Variants in USH2A observed in about 807,000 individuals in gnomAD.
USH2A encodes Usher syndrome 2A (autosomal recessive, mild).
A neutral mutation model predicts 538.9 loss-of-function variants in USH2A; 443 were observed. The observed-to-expected ratio is 0.82, with a 90% CI of 0.76 to 0.89. USH2A has a LOEUF of 0.89. Among genes scored for constraint, USH2A ranks in the 40% least tolerant of loss-of-function variants. The pLI is 0.00. For missense variants in USH2A, 6,633 were observed against 6,324.8 expected, an observed-to-expected ratio of 1.05 and a Z score of -1.65; for synonymous variants, 2,413 against 2,273.5, an observed-to-expected ratio of 1.06 and a Z score of -1.75.
intron 21 of USH2A, among the ~76,000 whole-genome samples, chr1:216,143,405 T>A (rs924351407): frequency 3.9e-5 from 6 of 152,132 alleles, no homozygotes; most frequent in Non-Finnish European, 8.8e-5. Context: ...AGGGCACCAT[T>A]TCATAACTAT....
chr1:216,061,647 C>A (rs1333857406), intron 30 of USH2A, among the ~76,000 whole-genome samples: 1 of 152,124 alleles, frequency 6.6e-6, no homozygotes, highest in South Asian at 2.1e-4. Flanking sequence ...GGCACACAGC[C>A]ATCAGTATAT....
intron 19 of USH2A, among the ~76,000 whole-genome samples, chr1:216,194,401 G>A (rs942016839): frequency 2.0e-5 from 3 of 152,112 alleles, no homozygotes; most frequent in African/African-American, 7.2e-5. Context: ...CATGGATCTT[G>A]CTGGTCGCCA....
chr1:216,222,289 G>A lies in USH2A; in HGVS notation c.2994-4739C>T, dbSNP rs143043078. On this transcript the variant is annotated intron_variant, in intron 14 of 71. Coordinates refer to ENST00000307340, the MANE Select transcript of USH2A (RefSeq NM_206933.4). ...TCTATTGTAACTCAACTCTGCTGCT[G>A]TAGCAGGAAAGCAACCACAGAAAAT... Among the ~76,000 whole-genome samples, 10 of 152,270 alleles carry A rather than the reference G, an allele frequency of 6.6e-5. No individual in the cohort carries two copies. In the East Asian group the frequency reaches 1.5e-3, roughly 24 times the overall value.
At chr1:215,656,981 G>T (rs748667478) in intron 64 of USH2A, among the ~76,000 whole-genome samples, 70 of 152,176 alleles carry the variant, frequency 4.6e-4, no homozygotes, top group African/African-American at 1.7e-3. Flanking sequence ...TTTCCTAGGG[G>T]CATGTAATGA....
intron 20 of USH2A, among the ~76,000 whole-genome samples, chr1:216,184,878 C>T (rs1186811035): frequency 6.6e-6 from 1 of 151,912 alleles, no homozygotes; most frequent in Non-Finnish European, 1.5e-5. Flanking sequence ...AAATTTAATG[C>T]ACACCAATTA....
Position 215,845,845 on chromosome 1 carries a change from G to A in USH2A, c.9034C>T (p.His3012Tyr). ...TCACCCCCATCGCAAGTGGTTGCAT[G>A]AAGTCCTGCACTGTTGATGCTGTGG... Reference protein sequence around the residue: ...GVHSINSAGLHATTCDGEPQG... With the variant: ...GVHSINSAGLYATTCDGEPQG... The change falls in exon 45 of 72, where the codon CAT becomes TAT. Residue 3012 changes from histidine (H) to tyrosine (Y), a missense_variant. Transcript: ENST00000307340. 1 of 1,613,808 alleles carries A rather than the reference G, an allele frequency of 6.2e-7. No homozygotes were observed. The highest frequency in any genetic ancestry group is 8.5e-7 in the Non-Finnish European group (1 of 1,179,860).
intron 9 of USH2A, among the ~76,000 whole-genome samples, chr1:216,298,284 T>C (rs767303261): frequency 1.3e-5 from 2 of 152,232 alleles, no homozygotes; most frequent in Non-Finnish European, 2.9e-5. Context: ...GTATATTGCC[T>C]ACATGAGTTA....
At chr1:216,312,640 C>G (rs1403341185) in intron 9 of USH2A, among the ~76,000 whole-genome samples, 1 of 148,532 alleles carries the variant, frequency 6.7e-6, no homozygotes, top group Non-Finnish European at 1.5e-5. Flanking sequence ...CTTTTTGCTT[C>G]TTTGTCAGAA....
intron 33 of USH2A, 126 bp downstream of exon 33, chr1:216,000,277 G>T: frequency 7.5e-7 from 1 of 1,329,058 alleles, no homozygotes; most frequent in Non-Finnish European, 1.1e-6. Context: ...CAGATCCACT[G>T]AACTAATCAC....
intron 44 of USH2A, among the ~76,000 whole-genome samples, chr1:215,857,044 A>G (rs903466070): frequency 6.6e-6 from 1 of 152,116 alleles, no homozygotes; most frequent in African/African-American, 2.4e-5. Context: ...AGAATGATAC[A>G]ATGGACTTTG....
Position 215,728,170 on chromosome 1 carries a change from T to C in USH2A, c.11926A>G (p.Thr3976Ala). The change falls in exon 61 of 72, where the codon ACG becomes GCG. Residue 3976 changes from threonine (T) to alanine (A), a missense_variant. Coordinates refer to ENST00000307340, the MANE Select transcript of USH2A (RefSeq NM_206933.4). ...TTCAACAGAACTGAATGAGCACTCG[T>C]GGCTTGAGCCCAAGGAGCTGGAAAA... is the stretch of plus-strand genomic sequence containing the variant. ...QDFPAPWAQA[T>A]SAHSVLLNWT... 1 of 1,614,194 alleles carries C rather than the reference T, an allele frequency of 6.2e-7. No homozygotes were observed.
intron 37 of USH2A, among the ~76,000 whole-genome samples, chr1:215,935,413 T>C (rs1666468380): frequency 6.6e-6 from 1 of 151,962 alleles, no homozygotes; most frequent in Non-Finnish European, 1.5e-5. Flanking sequence ...GGAGGTACTA[T>C]ATGTCCACTT....
chr1:216,142,373 T>C (rs1310785420), intron 21 of USH2A, among the ~76,000 whole-genome samples: 1 of 152,216 alleles, frequency 6.6e-6, no homozygotes, highest in Non-Finnish European at 1.5e-5. Context: ...GTAATGCAGA[T>C]ATAAGTTCAA....
rs756979133 is a variant in USH2A at position 216,250,956 on chromosome 1, T to A, written c.2114A>T (p.Asp705Val). The change falls in exon 12 of 72, where the codon GAT (aspartate) becomes GTT (valine). Residue 705 changes from aspartate to valine, a missense_variant. Asp to Val is a radical substitution (Grantham distance 152). Transcript: ENST00000307340. ...GCCTGAATTTTGGTGACAGGTAATA[T>A]CTCCATCCACTGTCCCAGAGGTATT... ...NCNTSGTVDG[D>V]ITCHQNSGQC... 6.2e-7 allele frequency: 1 copy of A among 1,614,032 alleles called. No homozygotes were observed. The highest frequency in any genetic ancestry group is 8.5e-7 in the Non-Finnish European group (1 of 1,179,990).
At chr1:215,813,178 G>A (rs760555779) in intron 49 of USH2A, among the ~76,000 whole-genome samples, 3 of 152,142 alleles carry the variant, frequency 2.0e-5, no homozygotes, top group Non-Finnish European at 2.9e-5. Context: ...GAGCAAAATG[G>A]CTAGCTAAGT....
At chr1:216,222,361 T>C (rs1436944536) in intron 14 of USH2A, among the ~76,000 whole-genome samples, 2 of 152,186 alleles carry the variant, frequency 1.3e-5, no homozygotes, top group African/African-American at 4.8e-5. Context: ...TCTATTTACA[T>C]AAACATGTGG....
chr1:216,040,428 A>C (rs563976922), intron 32 of USH2A, among the ~76,000 whole-genome samples: 2 of 152,128 alleles, frequency 1.3e-5, no homozygotes, highest in African/African-American at 2.4e-5. Flanking sequence ...AACTCGCATA[A>C]ACCTCCTTGC....
At chr1:216,040,310 G>A (rs531994831) in intron 32 of USH2A, among the ~76,000 whole-genome samples, 13 of 152,056 alleles carry the variant, frequency 8.5e-5, no homozygotes. Flanking sequence ...TTTCTATAAT[G>A]TCCCTATTAA....
chr1:216,262,688 T>C (rs1021787712), intron 11 of USH2A, among the ~76,000 whole-genome samples: 1 of 152,030 alleles, frequency 6.6e-6, no homozygotes, highest in African/African-American at 2.4e-5. Context: ...ACTTCCTAAG[T>C]CTTGGGACAG....
Sources: gnomAD v4.1 joint callset for allele counts (sites outside exome capture counted in the v4.1 genomes callset) on GRCh38, gnomAD v4.1.1 for gene constraint, MANE v1.5 for transcripts, NCBI Gene and HGNC (gene_info 2026-07-23, HGNC 2026-07-21) for gene names.